POMT1: variants seen among roughly 807,000 people sequenced by gnomAD.
The protein encoded by POMT1 is protein O-mannosyl-transferase 1.
Under a neutral mutation model 101.6 loss-of-function variants are expected in POMT1, and 85 were observed. That is an observed-to-expected ratio of 0.84 (90% CI 0.70 to 1.00). The LOEUF (loss-of-function observed/expected upper bound fraction) is 1.00, where lower values mean the gene tolerates loss of function less well. Ranked by LOEUF, POMT1 falls within the 50% of genes least tolerant of loss-of-function variation. The pLI is 0.00. For synonymous variants in POMT1, 371 were observed against 383.0 expected, an observed-to-expected ratio of 0.97 and a Z score of 0.37; for missense variants, 857 against 930.4, an observed-to-expected ratio of 0.92 and a Z score of 1.03.
chr9:131,508,861 C>T lies in POMT1; in HGVS notation c.428-50C>T, dbSNP rs753804398. The T allele has an allele frequency of 1.8e-5, 24 of 1,312,760 alleles. 1 individual carries two copies. In the Admixed American group the frequency reaches 2.5e-4, roughly 14 times the overall value. The allele number at this position is 1,312,760 out of a possible 1,614,324, so 81.3% of individuals were successfully genotyped here. ...TTCATGAGTGTTTTTCATCCTCATA[C>T]GTTTTCCCTTGCTACCTTAAAATTG... On this transcript the variant is annotated intron_variant, in intron 5 of 19. Coordinates refer to ENST00000402686, the MANE Select transcript of POMT1 (RefSeq NM_001077365.2).
At chr9:131,504,148 C>T (rs552933370) in intron 1 of POMT1, 41 bp from the exon 2 acceptor site, 135 of 1,610,946 alleles carry the variant, frequency 8.4e-5, no homozygotes, top group Non-Finnish European at 1.1e-4. Flanking sequence ...TGTAGCCTCT[C>T]GTGAGCCCTC....
rs6597500 is a variant in POMT1 at position 131,507,169 on chromosome 9, G to A, written c.281-199G>A. Among the ~76,000 whole-genome samples, 134,394 of 152,250 alleles carry A rather than the reference G, an allele frequency of 0.88. 60,128 individuals are homozygous for A. Among genetic ancestry groups the A allele is most frequent in the South Asian group, 0.97 (4,684 of 4,826 alleles). ...AGTCCTGTCTATGCTTCATGAGATCGGGTTCCATGACTATGCAAAGCTAAT... is the reference window on the plus strand; with the variant it reads ...AGTCCTGTCTATGCTTCATGAGATCAGGTTCCATGACTATGCAAAGCTAAT... On this transcript the variant is annotated intron_variant, in intron 4 of 19. Transcript: ENST00000402686.
chr9:131,522,917 C>G lies in POMT1; in HGVS notation c.2004-15C>G. 2 of 1,575,482 alleles carry G rather than the reference C, an allele frequency of 1.3e-6. No individual in the cohort carries two copies. Among genetic ancestry groups the G allele is most frequent in the Middle Eastern group, 4.5e-4 (2 of 4,418 alleles). ...TGGTCAGCCACCCTCCCCCACGCTG[C>G]TCTGACCTCTGCAGGTCCCAGCTCC... On this transcript the variant is annotated splice_polypyrimidine_tract_variant and intron_variant, in intron 19 of 19. Coordinates refer to ENST00000402686, the MANE Select transcript of POMT1 (RefSeq NM_001077365.2). This position sits in a 1 kb window ranked among gnomAD's most constrained non-coding sequence, Gnocchi z 5.5.
At chr9:131,511,003 AAGTTGTTT>A in intron 9 of POMT1, 3 of 261,472 alleles carry the variant, frequency 1.1e-5, no homozygotes, top group South Asian at 5.7e-5. Context: ...GTGTTTCAGC[AAGTTGTTT>A]GGCTCACCCT....
In POMT1 at chr9:131,516,613, C is replaced by T. The variant is rs189389662; in HGVS notation, c.1272+1091C>T. 63 of 152,794 alleles carry T rather than the reference C, an allele frequency of 4.1e-4. No individual in the cohort carries two copies. The South Asian group carries it at 7.2e-3, about 18-fold the overall frequency. The allele number at this position is 152,794 out of a possible 1,614,324, so 9.5% of individuals were successfully genotyped here. A position where few individuals can be genotyped will look rare whatever the true frequency, so the allele number is the denominator to read the frequency against. On this transcript the variant is annotated intron_variant, in intron 13 of 19. Coordinates refer to ENST00000402686, the MANE Select transcript of POMT1 (RefSeq NM_001077365.2). ...AGTCACAGATGTTTTCACAGGGAAC[C>T]GATGCGTCTTCCTTGGTGGAACTGG...
At position 131,503,986 on chromosome 9, in the gene POMT1, C is replaced by T. The variant is rs1053669670; in HGVS notation, c.-30-203C>T. 5.3e-5 allele frequency among the ~76,000 whole-genome samples: 8 copies of T among 152,198 alleles called. No homozygotes were observed. Among genetic ancestry groups the T allele is most frequent in the Non-Finnish European group, 1.0e-4 (7 of 68,034 alleles). On this transcript the variant is annotated intron_variant, in intron 1 of 19. Transcript: ENST00000402686. This position sits in a 1 kb window ranked among gnomAD's most constrained non-coding sequence, Gnocchi z 4.4. ...AGGAGTGAATGTCCAGTCCTGAGATCCCCTGAATTCCCACCCGAGTTCACT... is the reference window on the plus strand; with the variant it reads ...AGGAGTGAATGTCCAGTCCTGAGATTCCCTGAATTCCCACCCGAGTTCACT...
intron 4 of POMT1, among the ~76,000 whole-genome samples, chr9:131,507,084 GAAAAA>G (rs1180631856): frequency 6.6e-6 from 1 of 150,818 alleles, no homozygotes; most frequent in Non-Finnish European, 1.5e-5. Context: ...AAAAAAAAAA[GAAAAA>G]AGAAAACAGG....
chr9:131,521,305 C>CAG, intron 17 of POMT1, 41 bp from the exon 18 acceptor site: 1 of 1,613,624 alleles, frequency 6.2e-7, no homozygotes, highest in Non-Finnish European at 8.5e-7. Flanking sequence ...CCTCCCTGAG[C>CAG]AGAGGGCAGG....
At position 131,506,114 on chromosome 9, in the gene POMT1, T is replaced by C. The variant is rs1945753520; in HGVS notation, c.123T>C (p.Val41=). ...LWRLTYPRAV[V]FDEVYYGQYI... ...TATGGGTTGTTGTTTTTTTTTCTAG[T>C]TTTGACGAAGTATATTATGGGCAGT... Residue 41 remains valine (V), a splice_region_variant and synonymous_variant, in exon 3 of 20, where the codon GTT becomes GTC. Coordinates refer to ENST00000402686, the MANE Select transcript of POMT1 (RefSeq NM_001077365.2). 3 of 1,613,768 alleles carry C rather than the reference T, an allele frequency of 1.9e-6. No homozygotes were observed. The highest frequency in any genetic ancestry group is 2.7e-5 in the African/African-American group (2 of 74,964).
chr9:131,513,130 G>T (rs775553705), intron 11 of POMT1, 109 bp from the exon 12 acceptor site: 15 of 882,680 alleles, frequency 1.7e-5, no homozygotes, highest in Non-Finnish European at 2.4e-5. Context: ...GCACACATGG[G>T]TTGGGAGGCA....
chr9:131,504,747 A>ATGTGTGTGTG (rs1554770656), intron 2 of POMT1, among the ~76,000 whole-genome samples: 28 of 122,774 alleles, frequency 2.3e-4, no homozygotes, highest in South Asian at 1.1e-3. Context: ...TAACTGATTA[A>ATGTGTGTGTG]TGTGTGTATG....
rs746946335 is a variant in POMT1, at chr9:131,506,237, G to C, written c.229+17G>C. 6.2e-7 allele frequency: 1 copy of C among 1,610,372 alleles called. No individual in the cohort carries two copies. Among genetic ancestry groups the C allele is most frequent in the East Asian group, 2.2e-5 (1 of 44,872 alleles). On this transcript the variant is annotated intron_variant, in intron 3 of 19. Transcript: ENST00000402686. ...CCTTGGGAGGTAGGAGTCATCAGGA[G>C]AGTAGCCCCTACCCTTCAGGACCTC...
chr9:131,520,933 C>T (rs1949797900), intron 17 of POMT1, among the ~76,000 whole-genome samples: 1 of 152,214 alleles, frequency 6.6e-6, no homozygotes, highest in Non-Finnish European at 1.5e-5. Context: ...ACCTCCACCT[C>T]CCAGGTTCAA....
At chr9:131,515,128 G>A (rs903481085) in intron 12 of POMT1, among the ~76,000 whole-genome samples, 3 of 152,230 alleles carry the variant, frequency 2.0e-5, no homozygotes, top group East Asian at 1.9e-4. Context: ...GGGCCTGGGC[G>A]CACGGTTCCT....
rs11345097 is a variant in POMT1 at position 131,521,490 on chromosome 9, AT to A, written c.1825+19del. 2,672 of 1,612,498 alleles carry A rather than the reference AT, an allele frequency of 1.7e-3. 40 individuals are homozygous for A. The African/African-American group carries it at 0.032, about 19-fold the overall frequency. ...CCCTCAGGGTTAGTACCTCTCCCAC[AT>A]GGCTTTCTTTCTTTTTAATATAGAC... On this transcript the variant is annotated intron_variant, in intron 18 of 19. Coordinates refer to ENST00000402686, the MANE Select transcript of POMT1 (RefSeq NM_001077365.2).
chr9:131,522,334 C>T lies in POMT1; in HGVS notation c.2003+110C>T. On this transcript the variant is annotated intron_variant, in intron 19 of 19. Transcript: ENST00000402686. The surrounding 1 kb of genome is among the most constrained non-coding windows in gnomAD (Gnocchi z 5.5). ...CGAACCTCACCCATTTCACGTTACA[C>T]TGACATCCTCCGGGTCCCTCCGGGG... 6.5e-7 allele frequency: 1 copy of T among 1,549,952 alleles called. No homozygotes were observed. Among genetic ancestry groups the T allele is most frequent in the Non-Finnish European group, 8.7e-7 (1 of 1,151,904 alleles).
At chr9:131,516,228 GCACTTCCTCACACGGAA>G (rs1242200186) in intron 13 of POMT1, among the ~76,000 whole-genome samples, 2,458 of 98,058 alleles carry the variant, frequency 0.025, 134 homozygotes, top group African/African-American at 0.063. Flanking sequence ...CTCACACGGA[GCACTTCCTCACACGGAA>G]CACTTCCTCA....
chr9:131,511,201 G>A (rs1947040817), intron 9 of POMT1, 136 bp from the exon 10 acceptor site: 2 of 909,284 alleles, frequency 2.2e-6, no homozygotes, highest in Middle Eastern at 3.4e-4. Context: ...GATTAAATGG[G>A]AGATCATTAC....
intron 9 of POMT1, chr9:131,511,107 G>T (rs1947026180): frequency 3.8e-6 from 2 of 523,992 alleles, no homozygotes; most frequent in Non-Finnish European, 6.8e-6. Context: ...GGGTGCGCGT[G>T]GAAGGCTGAA....
Sources: allele counts gnomAD v4.1 joint callset (sites outside exome capture counted in the v4.1 genomes callset), GRCh38; gene constraint gnomAD v4.1.1; non-coding constraint Gnocchi (gnomAD v3.1); transcripts MANE v1.5; gene names NCBI Gene and HGNC (gene_info 2026-07-23, HGNC 2026-07-21).